Variants in RPS6KA2 observed in about 807,000 individuals in gnomAD.
RPS6KA2 encodes the protein ribosomal protein S6 kinase alpha-2.
A neutral mutation model predicts 91.8 loss-of-function variants in RPS6KA2; 42 were observed. The ratio of observed to expected loss-of-function variants is 0.46; its 90% CI spans 0.36 to 0.59. The LOEUF (loss-of-function observed/expected upper bound fraction) is 0.59, where lower values mean the gene tolerates loss of function less well. Among genes scored for constraint, RPS6KA2 ranks in the 20% least tolerant of loss-of-function variants. RPS6KA2 has a pLI of 0.00. For synonymous variants in RPS6KA2, 414 were observed against 393.6 expected, an observed-to-expected ratio of 1.05 and a Z score of -0.61; for missense variants, 798 against 978.5, an observed-to-expected ratio of 0.82 and a Z score of 2.46.
rs189037621 is a variant in RPS6KA2, at chr6:166,548,996, A to G, written c.100-10212T>C. 8.3e-4 allele frequency among the ~76,000 whole-genome samples: 127 copies of G among 152,344 alleles called. 1 individual carries two copies. Among genetic ancestry groups the G allele is most frequent in the African/African-American group, 2.9e-3 (121 of 41,566 alleles). On this transcript the variant is annotated intron_variant, in intron 1 of 20. Coordinates refer to ENST00000265678, the MANE Select transcript of RPS6KA2 (RefSeq NM_021135.6). ...TCCAAAGTCAATAGTAAAACAAAACAATCCATTAGAAAATGGGGGAGACAA... is the reference window on the plus strand; with the variant it reads ...TCCAAAGTCAATAGTAAAACAAAACGATCCATTAGAAAATGGGGGAGACAA...
intron 2 of RPS6KA2, among the ~76,000 whole-genome samples, chr6:166,844,300 T>C (rs1181299038): frequency 1.3e-5 from 2 of 152,138 alleles, no homozygotes; most frequent in Non-Finnish European, 2.9e-5. Flanking sequence ...CTAAGAATAA[T>C]TGGTGTTCCC....
chr6:166,574,345 G>A lies in RPS6KA2; in HGVS notation c.100-35561C>T, dbSNP rs371202531. Reference sequence around the variant, plus strand: ...TCCTCCCCAGCAGCCCCCAGCGTCTGTTGTTCCCATCTTTATGTCCATGTG... The same window carrying A: ...TCCTCCCCAGCAGCCCCCAGCGTCTATTGTTCCCATCTTTATGTCCATGTG... On this transcript the variant is annotated intron_variant, in intron 1 of 20. Coordinates refer to ENST00000265678, the MANE Select transcript of RPS6KA2 (RefSeq NM_021135.6). Among the ~76,000 whole-genome samples the A allele has an allele frequency of 2.4e-3, 367 of 152,220 alleles. 1 individual carries two copies. The highest frequency in any genetic ancestry group is 8.5e-3 in the African/African-American group (352 of 41,532).
chr6:166,841,881 C>T (rs952586732), intron 2 of RPS6KA2, among the ~76,000 whole-genome samples: 3 of 152,128 alleles, frequency 2.0e-5, no homozygotes, highest in Admixed American at 1.3e-4. Flanking sequence ...CTCTAATCAC[C>T]AATTGGTCCC....
chr6:166,644,054 C>T (rs1044547196), intron 2 of RPS6KA2, among the ~76,000 whole-genome samples: 3 of 152,184 alleles, frequency 2.0e-5, no homozygotes, highest in Non-Finnish European at 2.9e-5. Flanking sequence ...GCTTTTTTGA[C>T]ATGCACTTTG....
chr6:166,607,547 G>A (rs749046473), intron 1 of RPS6KA2, among the ~76,000 whole-genome samples: 4 of 152,144 alleles, frequency 2.6e-5, no homozygotes, highest in Non-Finnish European at 4.4e-5. Flanking sequence ...GTATGATTCC[G>A]TTTATATGAA....
chr6:166,843,285 C>T (rs1244785986), intron 2 of RPS6KA2, among the ~76,000 whole-genome samples: 1 of 152,226 alleles, frequency 6.6e-6, no homozygotes, highest in Non-Finnish European at 1.5e-5. Flanking sequence ...GGGTCTTTCT[C>T]TACCTGCCTT....
At chr6:166,572,992 G>C (rs969020959) in intron 1 of RPS6KA2, among the ~76,000 whole-genome samples, 4 of 152,246 alleles carry the variant, frequency 2.6e-5, no homozygotes, top group Admixed American at 6.5e-5. Flanking sequence ...GGAAGAGAAA[G>C]GAGAGGCTCC....
At chr6:166,693,798 A>C (rs550210756) in intron 2 of RPS6KA2, among the ~76,000 whole-genome samples, 29 of 152,270 alleles carry the variant, frequency 1.9e-4, no homozygotes, top group Admixed American at 1.8e-3. Flanking sequence ...TGAGGGAGAA[A>C]GGCCACAAAA....
intron 3 of RPS6KA2, among the ~76,000 whole-genome samples, chr6:166,516,962 A>C (rs1188539355): frequency 2.6e-5 from 4 of 152,248 alleles, no homozygotes; most frequent in African/African-American, 9.6e-5. Flanking sequence ...TATTGAATTC[A>C]CATCCATTTG....
At chr6:166,846,002 T>C (rs1469165060) in intron 2 of RPS6KA2, among the ~76,000 whole-genome samples, 1 of 151,666 alleles carries the variant, frequency 6.6e-6, no homozygotes, top group Non-Finnish European at 1.5e-5. Context: ...CCAAATAAAC[T>C]CAATTAGAAA....
intron 2 of RPS6KA2, among the ~76,000 whole-genome samples, chr6:166,833,347 T>C (rs886393581): frequency 2.6e-5 from 4 of 152,366 alleles, no homozygotes; most frequent in African/African-American, 9.6e-5. Context: ...TCCTTTATGA[T>C]GTAATATTTG....
intron 2 of RPS6KA2, among the ~76,000 whole-genome samples, chr6:166,633,683 T>C (rs927007129): frequency 1.3e-5 from 2 of 152,202 alleles, no homozygotes; most frequent in African/African-American, 4.8e-5. Flanking sequence ...TAAAACATTA[T>C]GGTAGAAAAT....
intron 1 of RPS6KA2, among the ~76,000 whole-genome samples, chr6:166,859,138 G>C (rs922386949): frequency 1.3e-5 from 2 of 152,254 alleles, no homozygotes; most frequent in East Asian, 3.9e-4. Flanking sequence ...TAGTAGCCAG[G>C]AGATAATCAT....
intron 2 of RPS6KA2, among the ~76,000 whole-genome samples, chr6:166,790,580 A>C (rs1483228892): frequency 6.6e-6 from 1 of 152,128 alleles, no homozygotes; most frequent in Non-Finnish European, 1.5e-5. Context: ...CCAAAGTTGA[A>C]ATGAAGGAAA....
chr6:166,590,809 T>C (rs1785331875), intron 1 of RPS6KA2, among the ~76,000 whole-genome samples: 1 of 151,070 alleles, frequency 6.6e-6, no homozygotes, highest in East Asian at 1.9e-4. Flanking sequence ...CACTAACGGA[T>C]AAGTGATGGC....
chr6:166,765,609 C>A (rs950791321), intron 2 of RPS6KA2, among the ~76,000 whole-genome samples: 9 of 152,158 alleles, frequency 5.9e-5, no homozygotes, highest in African/African-American at 2.2e-4. Context: ...TTTTCTGAGA[C>A]CTCGATGTAG....
intron 2 of RPS6KA2, among the ~76,000 whole-genome samples, chr6:166,721,116 C>T (rs1032296981): frequency 6.6e-5 from 10 of 152,174 alleles, no homozygotes; most frequent in Admixed American, 1.3e-4. Context: ...AACAATTTCA[C>T]GAGGATCCCT....
Position 166,852,520 on chromosome 6 carries a change from G to A in RPS6KA2, c.123+5680C>T, listed in dbSNP as rs1465193904. On this transcript the variant is annotated intron_variant, in intron 2 of 21. Transcript: ENST00000503859. The surrounding 1 kb of genome is among the most constrained non-coding windows in gnomAD (Gnocchi z 4.1). ...CCGCACAGGCGGTTTAGCCTGTCCCGGGCCATATCCTGCTGGAGCTTTGGC... is the reference window on the plus strand; with the variant it reads ...CCGCACAGGCGGTTTAGCCTGTCCCAGGCCATATCCTGCTGGAGCTTTGGC... Among the ~76,000 whole-genome samples, 2 of 152,166 alleles carry A rather than the reference G, an allele frequency of 1.3e-5. No individual in the cohort carries two copies. Among genetic ancestry groups the A allele is most frequent in the South Asian group, 2.1e-4 (1 of 4,834 alleles).
intron 2 of RPS6KA2, among the ~76,000 whole-genome samples, chr6:166,678,343 G>A (rs965899880): frequency 3.3e-5 from 5 of 152,184 alleles, no homozygotes; most frequent in Admixed American, 6.5e-5. Context: ...CACCCTCCAC[G>A]GGGAACCAAA....
Sources: gnomAD v4.1 joint callset for allele counts (sites outside exome capture counted in the v4.1 genomes callset) on GRCh38, gnomAD v4.1.1 for gene constraint, Gnocchi (gnomAD v3.1) non-coding constraint, MANE v1.5 for transcripts, NCBI Gene and HGNC (gene_info 2026-07-23, HGNC 2026-07-21) for gene names.